VPS26C: variants seen among roughly 807,000 people sequenced by gnomAD.
VPS26C encodes the protein vacuolar protein sorting-associated protein 26C.
Under a neutral mutation model 30.6 loss-of-function variants are expected in VPS26C, and 19 were observed. The ratio of observed to expected loss-of-function variants is 0.62; its 90% CI spans 0.43 to 0.91. The LOEUF is 0.91. VPS26C is among the 40% of genes least tolerant of loss of function. The pLI, the probability that VPS26C is intolerant of heterozygous loss-of-function variation, is 0.00. For missense variants in VPS26C, 318 were observed against 385.1 expected, an observed-to-expected ratio of 0.83 and a Z score of 1.46; for synonymous variants, 132 against 151.5, an observed-to-expected ratio of 0.87 and a Z score of 0.95.
At chr21:37,248,766 T>C (rs1298881132) in intron 1 of VPS26C, among the ~76,000 whole-genome samples, 1 of 147,388 alleles carries the variant, frequency 6.8e-6, no homozygotes, top group Non-Finnish European at 1.5e-5. Flanking sequence ...GACAAAAGTC[T>C]ACACACTCAG....
At chr21:37,230,986 G>A (rs2085956413) in intron 5 of VPS26C, among the ~76,000 whole-genome samples, 1 of 152,214 alleles carries the variant, frequency 6.6e-6, no homozygotes, top group Non-Finnish European at 1.5e-5. Flanking sequence ...TGCAGACAGC[G>A]AGCCTCTGGA....
intron 1 of VPS26C, among the ~76,000 whole-genome samples, chr21:37,258,786 A>C (rs939227922): frequency 6.6e-6 from 1 of 152,166 alleles, no homozygotes; most frequent in African/African-American, 2.4e-5. Flanking sequence ...AGACCTGTCC[A>C]GTATCGAAAC....
chr21:37,255,714 A>T (rs1333840491), intron 1 of VPS26C, among the ~76,000 whole-genome samples: 1 of 152,226 alleles, frequency 6.6e-6, no homozygotes, highest in Non-Finnish European at 1.5e-5. Context: ...CAAGAGCCCC[A>T]GCTGAGTAAA....
chr21:37,239,490 T>C (rs1177497137), intron 2 of VPS26C, among the ~76,000 whole-genome samples: 1 of 152,250 alleles, frequency 6.6e-6, no homozygotes, highest in Admixed American at 6.5e-5. Flanking sequence ...TATTTTCATC[T>C]TACCTTAGTG....
At chr21:37,254,458 C>T (rs1264290308) in intron 1 of VPS26C, among the ~76,000 whole-genome samples, 1 of 151,948 alleles carries the variant, frequency 6.6e-6, no homozygotes, top group Admixed American at 6.6e-5. Context: ...GATTGTGCCA[C>T]TGTGCTCCAG....
intron 1 of VPS26C, among the ~76,000 whole-genome samples, chr21:37,251,003 C>T (rs1323444893): frequency 6.7e-5 from 10 of 148,534 alleles, no homozygotes; most frequent in Non-Finnish European, 1.0e-4. Flanking sequence ...AAAGGGAATG[C>T]AGATTGTTCC....
At chr21:37,255,851 A>ATTTT (rs375877407) in intron 1 of VPS26C, among the ~76,000 whole-genome samples, 3 of 108,512 alleles carry the variant, frequency 2.8e-5, no homozygotes, top group African/African-American at 4.6e-5. Context: ...TATGCACTGC[A>ATTTT]TTTTTTTTTT....
intron 3 of VPS26C, among the ~76,000 whole-genome samples, chr21:37,235,851 G>GTATATATA (rs146084592): frequency 6.1e-3 from 336 of 55,074 alleles, no homozygotes; most frequent in Middle Eastern, 9.1e-3. Flanking sequence ...ATATGTGTGT[G>GTATATATA]TATATATATA....
chr21:37,261,077 A>C (rs936824950), intron 1 of VPS26C: 4 of 152,250 alleles, frequency 2.6e-5, no homozygotes, highest in African/African-American at 9.6e-5. Flanking sequence ...CCAGGAATAC[A>C]AAGATAAACA....
chr21:37,263,611 C>G (rs1028357668), intron 1 of VPS26C, among the ~76,000 whole-genome samples: 1 of 152,224 alleles, frequency 6.6e-6, no homozygotes, highest in African/African-American at 2.4e-5. Flanking sequence ...CCCAGAACCT[C>G]TGCTGGAACA....
chr21:37,263,477 G>A (rs2086325994), intron 1 of VPS26C, among the ~76,000 whole-genome samples: 1 of 152,168 alleles, frequency 6.6e-6, no homozygotes, highest in South Asian at 2.1e-4. Flanking sequence ...TCCAGACTCT[G>A]TCCAATTAGT....
At chr21:37,243,692 C>G (rs1483913801) in intron 1 of VPS26C, among the ~76,000 whole-genome samples, 1 of 152,224 alleles carries the variant, frequency 6.6e-6, no homozygotes, top group Non-Finnish European at 1.5e-5. Context: ...CCACCAGCAG[C>G]TAAGCTATAA....
intron 2 of VPS26C, 132 bp downstream of exon 2, chr21:37,240,364 A>T: frequency 3.1e-6 from 3 of 954,368 alleles, no homozygotes; most frequent in Non-Finnish European, 4.6e-6. Context: ...GGCTCAAGCG[A>T]TCCTCCCGCC....
At chr21:37,251,775 C>A (rs184863227) in intron 1 of VPS26C, among the ~76,000 whole-genome samples, 6 of 152,292 alleles carry the variant, frequency 3.9e-5, no homozygotes, top group African/African-American at 1.4e-4. Flanking sequence ...GTACAAAGTT[C>A]TAAGCCTCTT....
intron 3 of VPS26C, among the ~76,000 whole-genome samples, chr21:37,235,422 CG>C: frequency 6.6e-6 from 1 of 152,216 alleles, no homozygotes; most frequent in African/African-American, 2.4e-5. Flanking sequence ...GCGTGAGCCA[CG>C]GTGCCCAGCC....
rs2096790390 is a variant in VPS26C, at chr21:37,257,420, G to C, written c.57+9818C>G. On this transcript the variant is annotated intron_variant, in intron 1 of 7. Coordinates refer to ENST00000309117, the MANE Select transcript of VPS26C (RefSeq NM_006052.2). This position sits in a 1 kb window ranked among gnomAD's most constrained non-coding sequence, Gnocchi z 4.2. The stretch of plus-strand genomic sequence containing the variant: ...TCTGGCCTGTGTGCTCTCGGGGAGG[G>C]GACGCAGGTCAGCCCACCTAGCCGA... Among the ~76,000 whole-genome samples, 1 of 152,182 alleles carries C rather than the reference G, an allele frequency of 6.6e-6. No individual in the cohort carries two copies. Among genetic ancestry groups the C allele is most frequent in the South Asian group, 2.1e-4 (1 of 4,826 alleles).
intron 3 of VPS26C, among the ~76,000 whole-genome samples, chr21:37,238,018 A>G (rs545863470): frequency 2.0e-4 from 31 of 152,290 alleles, no homozygotes; most frequent in Admixed American, 5.2e-4. Flanking sequence ...GTCATAATCC[A>G]CTTCCCCTCA....
chr21:37,267,214 T>TCCCCCCC (rs750130766), intron 1 of VPS26C, 24 bp downstream of exon 1: 2 of 457,090 alleles, frequency 4.4e-6, no homozygotes, highest in Non-Finnish European at 8.5e-6. Context: ...CCCACCTCCA[T>TCCCCCCC]CCCCACCCCC....
chr21:37,252,090 G>A (rs1036083776), intron 1 of VPS26C, among the ~76,000 whole-genome samples: 5 of 152,242 alleles, frequency 3.3e-5, no homozygotes, highest in Admixed American at 1.3e-4. Flanking sequence ...CTAAAGATCC[G>A]GTACACCTAT....
Sources: gnomAD v4.1 joint callset for allele counts (sites outside exome capture counted in the v4.1 genomes callset) on GRCh38, gnomAD v4.1.1 for gene constraint, Gnocchi (gnomAD v3.1) non-coding constraint, MANE v1.5 for transcripts, NCBI Gene and HGNC (gene_info 2026-07-23, HGNC 2026-07-21) for gene names.